CCSER1: variants seen among roughly 807,000 people sequenced by gnomAD.
CCSER1 encodes serine-rich coiled-coil domain-containing protein 1.
A neutral mutation model predicts 82.0 loss-of-function variants in CCSER1; 41 were observed. The ratio of observed to expected loss-of-function variants is 0.50; its 90% CI spans 0.39 to 0.65. The LOEUF (loss-of-function observed/expected upper bound fraction) is 0.65, where lower values mean the gene tolerates loss of function less well. CCSER1 is among the 30% of genes least tolerant of loss of function. CCSER1 has a pLI of 0.00. For missense variants in CCSER1, 1,119 were observed against 1,064.2 expected (o/e 1.05, Z -0.72); for synonymous variants, 414 against 383.9 (o/e 1.08, Z -0.92).
chr4:90,818,092 G>T (rs1377912), intron 8 of CCSER1, among the ~76,000 whole-genome samples: 11,198 of 151,640 alleles, frequency 0.074, 544 homozygotes, highest in Non-Finnish European at 0.11. Flanking sequence ...CTACATGTAT[G>T]CTGTAGAATG....
chr4:91,272,345 G>A (rs1742099544), intron 10 of CCSER1, among the ~76,000 whole-genome samples: 1 of 151,952 alleles, frequency 6.6e-6, no homozygotes, highest in Non-Finnish European at 1.5e-5. Context: ...CATTTCCCTG[G>A]TCATTAGTGA....
intron 9 of CCSER1, among the ~76,000 whole-genome samples, chr4:91,075,471 A>G (rs1360829566): frequency 6.6e-6 from 1 of 152,150 alleles, no homozygotes; most frequent in Non-Finnish European, 1.5e-5. Context: ...ATATGGTTGA[A>G]GAATAACAAA....
Position 91,539,021 on chromosome 4 carries a change from G to T in CCSER1, c.2218-59551G>T, listed in dbSNP as rs114231349. ...CAGCAGATCAATTTTCTTTCTAAAG[G>T]TCCTTCCAGTTTAGTTTATATTTGT... On this transcript the variant is annotated intron_variant, in intron 10 of 10. Transcript: ENST00000509176. 7.4e-3 allele frequency among the ~76,000 whole-genome samples: 1,117 copies of T among 151,936 alleles called. 4 individuals are homozygous for T. The highest frequency in any genetic ancestry group is 0.017 in the Middle Eastern group (5 of 294).
At chr4:91,126,292 G>A (rs539294615) in intron 10 of CCSER1, among the ~76,000 whole-genome samples, 1 of 151,886 alleles carries the variant, frequency 6.6e-6, no homozygotes, top group African/African-American at 2.4e-5. Flanking sequence ...AGTAAATTTA[G>A]AAGAGGAAAC....
intron 8 of CCSER1, among the ~76,000 whole-genome samples, chr4:90,889,392 G>A (rs1169829225): frequency 2.6e-5 from 4 of 152,018 alleles, no homozygotes; most frequent in Non-Finnish European, 5.9e-5. Flanking sequence ...TTCTCCCCAC[G>A]CAAGTTAAGT....
chr4:91,293,563 T>C (rs867454660), intron 10 of CCSER1, among the ~76,000 whole-genome samples: 2 of 152,028 alleles, frequency 1.3e-5, no homozygotes, highest in Non-Finnish European at 2.9e-5. Flanking sequence ...TAAGTAAATA[T>C]GCATTGAACA....
chr4:91,558,724 A>G (rs1320227458), intron 10 of CCSER1, among the ~76,000 whole-genome samples: 1 of 151,550 alleles, frequency 6.6e-6, no homozygotes, highest in Non-Finnish European at 1.5e-5. Context: ...AACCCATCAG[A>G]TTTTGTGAGA....
intron 7 of CCSER1, among the ~76,000 whole-genome samples, chr4:90,783,094 A>G (rs2149621221): frequency 6.6e-6 from 1 of 152,256 alleles, no homozygotes; most frequent in African/African-American, 2.4e-5. Context: ...GGCATAGGCC[A>G]CCATGCCTGG....
At chr4:90,482,162 G>A (rs143374991) in intron 5 of CCSER1, among the ~76,000 whole-genome samples, 209 of 152,286 alleles carry the variant, frequency 1.4e-3, no homozygotes, top group African/African-American at 4.8e-3. Context: ...TTTGTGTAGA[G>A]GTGTTTCTAG....
intron 7 of CCSER1, among the ~76,000 whole-genome samples, chr4:90,759,132 A>G (rs1306247828): frequency 6.6e-6 from 1 of 152,144 alleles, no homozygotes; most frequent in Non-Finnish European, 1.5e-5. Flanking sequence ...GTATTTCTAG[A>G]CACCAACGCT....
intron 5 of CCSER1, among the ~76,000 whole-genome samples, chr4:90,500,349 T>C (rs1250933112): frequency 6.6e-6 from 1 of 152,094 alleles, no homozygotes; most frequent in Admixed American, 6.6e-5. Flanking sequence ...CATTTTTTTT[T>C]TTTAGACAGT....
rs115253489 is a variant in CCSER1, at chr4:91,271,715, A to G, written c.2217+185721A>G. ...ACATATATATGATATACATATATACATACACATATACATATGATACACATA... is the reference window on the plus strand; with the variant it reads ...ACATATATATGATATACATATATACGTACACATATACATATGATACACATA... On this transcript the variant is annotated intron_variant, in intron 10 of 10. Transcript: ENST00000509176. Among the ~76,000 whole-genome samples, 970 of 152,198 alleles carry G rather than the reference A, an allele frequency of 6.4e-3. 12 individuals are homozygous for G. The highest frequency in any genetic ancestry group is 0.022 in the African/African-American group (904 of 41,530).
chr4:90,293,612 A>G (rs1036994410), intron 1 of CCSER1, among the ~76,000 whole-genome samples: 1 of 150,800 alleles, frequency 6.6e-6, no homozygotes, highest in Non-Finnish European at 1.5e-5. Flanking sequence ...AAAGAAAATA[A>G]AAAATTTAAG....
At chr4:90,412,632 CA>C in intron 4 of CCSER1, among the ~76,000 whole-genome samples, 1 of 151,334 alleles carries the variant, frequency 6.6e-6, no homozygotes. Context: ...GACACACAAG[CA>C]AAACAGAATT....
intron 8 of CCSER1, among the ~76,000 whole-genome samples, chr4:90,821,042 T>C (rs886462920): frequency 2.0e-5 from 3 of 152,280 alleles, no homozygotes; most frequent in East Asian, 1.9e-4. Flanking sequence ...TCAGTGTGTG[T>C]TGGGGGAAAT....
intron 1 of CCSER1, among the ~76,000 whole-genome samples, chr4:90,140,950 C>G (rs1018408913): frequency 6.6e-6 from 1 of 151,848 alleles, no homozygotes; most frequent in African/African-American, 2.4e-5. Flanking sequence ...CCGGAGTGAG[C>G]CACCGCGCCC....
At chr4:90,255,467 TAC>T (rs1216379011) in intron 1 of CCSER1, among the ~76,000 whole-genome samples, 1 of 152,164 alleles carries the variant, frequency 6.6e-6, no homozygotes, top group Admixed American at 6.6e-5. Context: ...TTTATAGAAA[TAC>T]AGATTGTTAT....
At chr4:91,028,271 T>C (rs1226818790) in intron 9 of CCSER1, among the ~76,000 whole-genome samples, 2 of 152,006 alleles carry the variant, frequency 1.3e-5, no homozygotes, top group Non-Finnish European at 2.9e-5. Context: ...TGGAGTGCTC[T>C]TCTCATCCAT....
At chr4:91,527,100 A>C (rs899520805) in intron 10 of CCSER1, among the ~76,000 whole-genome samples, 1 of 152,238 alleles carries the variant, frequency 6.6e-6, no homozygotes, top group Non-Finnish European at 1.5e-5. Flanking sequence ...GTGTTAATGC[A>C]TGAGCTAATC....
Sources: allele counts gnomAD v4.1 joint callset (sites outside exome capture counted in the v4.1 genomes callset), GRCh38; gene constraint gnomAD v4.1.1; transcripts MANE v1.5; gene names NCBI Gene and HGNC (gene_info 2026-07-23, HGNC 2026-07-21).